Variants in CDC42BPB observed in about 807,000 individuals in gnomAD.
CDC42BPB encodes the protein serine/threonine-protein kinase MRCK beta.
A neutral mutation model predicts 214.9 loss-of-function variants in CDC42BPB; 37 were observed. The ratio of observed to expected loss-of-function variants is 0.17; its 90% CI spans 0.13 to 0.23. CDC42BPB has a LOEUF of 0.23. Ranked by LOEUF, CDC42BPB falls within the 10% of genes least tolerant of loss-of-function variation. The pLI, the probability that CDC42BPB is intolerant of heterozygous loss-of-function variation, is 1.00. For synonymous variants in CDC42BPB, 931 were observed against 884.0 expected (o/e 1.05, Z -0.94); for missense variants, 1,694 against 2,227.0 (o/e 0.76, Z 4.82).
chr14:102,941,623 A>G (rs1891893644), intron 30 of CDC42BPB: 39 of 921,674 alleles, frequency 4.2e-5, no homozygotes, highest in Non-Finnish European at 5.1e-5. Context: ...GCAAGGAAGC[A>G]GGAAGAAGTC....
chr14:102,942,120 T>C (rs1055629760), intron 30 of CDC42BPB, among the ~76,000 whole-genome samples: 5 of 152,182 alleles, frequency 3.3e-5, no homozygotes, highest in Admixed American at 1.3e-4. Flanking sequence ...TGGCTGCCTA[T>C]GAAGAGGACA....
intron 29 of CDC42BPB, chr14:102,945,297 G>A (rs984224715): frequency 8.6e-6 from 4 of 464,970 alleles, no homozygotes; most frequent in Admixed American, 2.3e-5. Context: ...TGCATGCCAG[G>A]ATACCTTTGC....
intron 1 of CDC42BPB, among the ~76,000 whole-genome samples, chr14:103,014,000 C>G (rs1031046595): frequency 2.0e-5 from 3 of 152,072 alleles, no homozygotes; most frequent in African/African-American, 7.2e-5. Context: ...CCTGTCTCTA[C>G]TAAAAATACA....
At chr14:103,021,170 C>T (rs937837415) in intron 1 of CDC42BPB, among the ~76,000 whole-genome samples, 8 of 152,304 alleles carry the variant, frequency 5.3e-5, no homozygotes, top group Non-Finnish European at 8.8e-5. Flanking sequence ...TTTAAGAACA[C>T]GTGGATGTGG....
At chr14:103,032,086 T>G (rs1887412441) in intron 1 of CDC42BPB, among the ~76,000 whole-genome samples, 1 of 151,912 alleles carries the variant, frequency 6.6e-6, no homozygotes, top group Non-Finnish European at 1.5e-5. Context: ...GCCAGCCTTG[T>G]GGCCTCAGGG....
intron 1 of CDC42BPB, among the ~76,000 whole-genome samples, chr14:103,050,463 C>T (rs1012298237): frequency 2.0e-5 from 3 of 152,102 alleles, no homozygotes; most frequent in African/African-American, 7.2e-5. Flanking sequence ...ACATGACCTC[C>T]CCAAATTCCT....
chr14:103,036,088 C>CT (rs1472728135), intron 1 of CDC42BPB, among the ~76,000 whole-genome samples: 1 of 151,652 alleles, frequency 6.6e-6, no homozygotes, highest in East Asian at 1.9e-4. Flanking sequence ...GAGGTCAAGG[C>CT]TGCAGTGAGC....
intron 12 of CDC42BPB, among the ~76,000 whole-genome samples, chr14:102,972,795 G>C (rs1035270298): frequency 7.0e-6 from 1 of 143,826 alleles, no homozygotes; most frequent in Non-Finnish European, 1.5e-5. Context: ...GCTCCGTAAT[G>C]TCAGCCTCTG....
intron 18 of CDC42BPB, among the ~76,000 whole-genome samples, chr14:102,965,001 C>A (rs1360473164): frequency 6.6e-6 from 1 of 151,870 alleles, no homozygotes; most frequent in African/African-American, 2.4e-5. Context: ...TCTCAGCTTA[C>A]CGCGACCTCC....
At chr14:103,039,222 A>G (rs1460610985) in intron 1 of CDC42BPB, among the ~76,000 whole-genome samples, 1 of 150,666 alleles carries the variant, frequency 6.6e-6, no homozygotes, top group African/African-American at 2.5e-5. Context: ...CCAATTCTTC[A>G]CACTCTTCCA....
Position 103,055,958 on chromosome 14 carries a change from G to C in CDC42BPB, c.175+1041C>G, listed in dbSNP as rs1265111442. On this transcript the variant is annotated intron_variant, in intron 1 of 36. Transcript: ENST00000361246. ...TTTCATAGGTTTGGCCTGAACATAC[G>C]CATTTCCTCCTCCTACTCAGTGGTT... Among the ~76,000 whole-genome samples the C allele has an allele frequency of 2.0e-5, 3 of 152,202 alleles. No homozygotes were observed. In the East Asian group the frequency reaches 5.8e-4, roughly 29 times the overall value.
intron 36 of CDC42BPB, among the ~76,000 whole-genome samples, chr14:102,934,568 C>T (rs35566051): frequency 0.051 from 7,820 of 151,976 alleles, 254 homozygotes; most frequent in African/African-American, 0.082. Context: ...AAAAATCAGC[C>T]GGGCACAGTG....
intron 18 of CDC42BPB, among the ~76,000 whole-genome samples, chr14:102,965,672 G>A (rs1893169226): frequency 6.6e-6 from 1 of 152,144 alleles, no homozygotes; most frequent in African/African-American, 2.4e-5. Context: ...ATGGACAGAG[G>A]AAGGCCAGGT....
At chr14:103,051,844 G>A (rs536690675) in intron 1 of CDC42BPB, among the ~76,000 whole-genome samples, 1 of 150,458 alleles carries the variant, frequency 6.6e-6, no homozygotes, top group Admixed American at 6.6e-5. Context: ...GGAAGGAAGA[G>A]GTTTTTTGTT....
intron 1 of CDC42BPB, among the ~76,000 whole-genome samples, chr14:103,030,034 C>G: frequency 6.6e-6 from 1 of 151,940 alleles, no homozygotes; most frequent in East Asian, 1.9e-4. Flanking sequence ...CAGTGCCTAA[C>G]TGGCTCTCAC....
At position 102,975,781 on chromosome 14, in the gene CDC42BPB, G is replaced by C; in HGVS notation, c.1410C>G (p.Ser470=). 6.2e-7 allele frequency: 1 copy of C among 1,614,130 alleles called. No individual in the cohort carries two copies. Among genetic ancestry groups the C allele is most frequent in the Non-Finnish European group, 8.5e-7 (1 of 1,179,990 alleles). ...KLQESTQTVQ[S]LHGSSRALSN... Reference sequence around the variant, plus strand: ...TGAGGGCCCGAGATGAGCCGTGGAGGGACTGCACGGTCTGGGTGGACTCTG... The same window carrying C: ...TGAGGGCCCGAGATGAGCCGTGGAGCGACTGCACGGTCTGGGTGGACTCTG... The change falls in exon 11 of 37, where the codon TCC becomes TCG. Residue 470 remains serine (S), a synonymous_variant. Coordinates refer to ENST00000361246, the MANE Select transcript of CDC42BPB (RefSeq NM_006035.4).
intron 30 of CDC42BPB, chr14:102,941,648 AGT>A (rs1891895819): frequency 1.5e-6 from 1 of 651,494 alleles, no homozygotes; most frequent in Non-Finnish European, 1.9e-6. Flanking sequence ...TTGCTGACTC[AGT>A]GATAAACAGA....
At chr14:102,949,376 C>G (rs1022511178) in intron 26 of CDC42BPB, among the ~76,000 whole-genome samples, 4 of 152,100 alleles carry the variant, frequency 2.6e-5, no homozygotes, top group African/African-American at 7.2e-5. Context: ...TTCTTCCACA[C>G]ACCAGCACCT....
intron 7 of CDC42BPB, among the ~76,000 whole-genome samples, chr14:102,981,363 G>A (rs565007044): frequency 6.6e-6 from 1 of 152,338 alleles, no homozygotes; most frequent in South Asian, 2.1e-4. Flanking sequence ...CGGCAGCTCC[G>A]CTTCTGGAAA....
Sources: gnomAD v4.1 joint callset for allele counts (sites outside exome capture counted in the v4.1 genomes callset) on GRCh38, gnomAD v4.1.1 for gene constraint, MANE v1.5 for transcripts, NCBI Gene and HGNC (gene_info 2026-07-23, HGNC 2026-07-21) for gene names.